Variants in DGKB observed in about 807,000 individuals in gnomAD.
DGKB encodes the protein 90 kDa diacylglycerol kinase.
A neutral mutation model predicts 114.3 loss-of-function variants in DGKB; 67 were observed. The observed-to-expected ratio is 0.59, with a 90% CI of 0.48 to 0.72. The LOEUF is 0.72. DGKB is among the 30% of genes least tolerant of loss of function. DGKB has a pLI of 0.00. For synonymous variants in DGKB, 398 were observed against 323.1 expected, an observed-to-expected ratio of 1.23 and a Z score of -2.49; for missense variants, 907 against 975.2, an observed-to-expected ratio of 0.93 and a Z score of 0.93.
rs151012160 is a variant in DGKB at position 14,338,978 on chromosome 7, G to A, written c.1927-268C>T. Among the ~76,000 whole-genome samples, 459 of 152,070 alleles carry A rather than the reference G, an allele frequency of 3.0e-3. 3 individuals carry two copies. Among genetic ancestry groups the A allele is most frequent in the African/African-American group, 0.01 (424 of 41,518 alleles). ...ATCTTTGTTTGTAGAAAACCTTTGGGAGAGACTCGTTAGCATCTGCATATA... is the reference window on the plus strand; with the variant it reads ...ATCTTTGTTTGTAGAAAACCTTTGGAAGAGACTCGTTAGCATCTGCATATA... On this transcript the variant is annotated intron_variant, in intron 22 of 25. Coordinates refer to ENST00000402815, the MANE Select transcript of DGKB (RefSeq NM_001350709.2).
intron 23 of DGKB, among the ~76,000 whole-genome samples, chr7:14,289,878 TATC>T (rs1366767326): frequency 6.7e-6 from 1 of 149,862 alleles, no homozygotes; most frequent in African/African-American, 2.5e-5. Flanking sequence ...GCAAATCAAA[TATC>T]ATCATTAGTA....
intron 1 of DGKB, among the ~76,000 whole-genome samples, chr7:14,845,637 T>C (rs183616840): frequency 5.4e-5 from 3 of 55,988 alleles, no homozygotes; most frequent in African/African-American, 2.2e-4. Flanking sequence ...CTCAGGTCAA[T>C]GAATATTTCT....
intron 25 of DGKB, among the ~76,000 whole-genome samples, chr7:14,160,580 A>C (rs367655305): frequency 2.0e-5 from 3 of 152,324 alleles, no homozygotes; most frequent in African/African-American, 4.8e-5. Flanking sequence ...GGGCCTCTTC[A>C]AGGAGAACTA....
chr7:14,411,549 G>T (rs1824883590), intron 21 of DGKB, among the ~76,000 whole-genome samples: 1 of 152,046 alleles, frequency 6.6e-6, no homozygotes, highest in Admixed American at 6.6e-5. Flanking sequence ...CAAATTGTTG[G>T]TCTACCACTT....
intron 23 of DGKB, among the ~76,000 whole-genome samples, chr7:14,198,154 A>G (rs1376614970): frequency 6.6e-6 from 1 of 152,132 alleles, no homozygotes; most frequent in East Asian, 1.9e-4. Context: ...TGTAAGTAAA[A>G]AGGATCTGCT....
chr7:14,472,573 A>C (rs1040267836), intron 21 of DGKB, among the ~76,000 whole-genome samples: 1 of 152,194 alleles, frequency 6.6e-6, no homozygotes, highest in Non-Finnish European at 1.5e-5. Context: ...AAAGATACCC[A>C]AAAATGTGAG....
chr7:14,883,971 A>T (rs2128217530), intron 1 of DGKB, among the ~76,000 whole-genome samples: 1 of 152,150 alleles, frequency 6.6e-6, no homozygotes, highest in East Asian at 1.9e-4. Flanking sequence ...CCAACTTTGT[A>T]TTAATGTCAT....
chr7:14,390,884 GAA>G (rs1027154940), intron 21 of DGKB, among the ~76,000 whole-genome samples: 2 of 152,180 alleles, frequency 1.3e-5, no homozygotes, highest in African/African-American at 4.8e-5. Flanking sequence ...ATTTAGGAAT[GAA>G]AGTTATTATA....
At chr7:14,304,292 T>G (rs531603218) in intron 23 of DGKB, among the ~76,000 whole-genome samples, 15 of 152,144 alleles carry the variant, frequency 9.9e-5, no homozygotes, top group East Asian at 1.9e-4. Context: ...AGTTCCACAT[T>G]TGGCATCATT....
At chr7:14,531,306 CAATT>C (rs1791547742) in intron 20 of DGKB, among the ~76,000 whole-genome samples, 1 of 151,230 alleles carries the variant, frequency 6.6e-6, no homozygotes, top group African/African-American at 2.4e-5. Context: ...TAGAATATTC[CAATT>C]TTAGAGCCCA....
intron 13 of DGKB, among the ~76,000 whole-genome samples, chr7:14,660,634 G>T (rs151046438): frequency 6.6e-6 from 1 of 151,360 alleles, no homozygotes; most frequent in Non-Finnish European, 1.5e-5. Context: ...TCTTGCTAGC[G>T]GTTTATCAAT....
intron 2 of DGKB, among the ~76,000 whole-genome samples, chr7:14,838,997 T>C (rs917330261): frequency 2.0e-5 from 3 of 152,128 alleles, no homozygotes; most frequent in African/African-American, 7.2e-5. Flanking sequence ...TTTCAAATCC[T>C]CCCTCTTGTA....
chr7:14,830,719 A>T (rs1586785461), intron 2 of DGKB, among the ~76,000 whole-genome samples: 1 of 152,258 alleles, frequency 6.6e-6, no homozygotes, highest in Non-Finnish European at 1.5e-5. Context: ...CATGTGGGAT[A>T]TCAATGGCAT....
chr7:14,389,923 C>A (rs767253477), intron 21 of DGKB, among the ~76,000 whole-genome samples: 33 of 152,172 alleles, frequency 2.2e-4, no homozygotes, highest in Non-Finnish European at 3.4e-4. Context: ...CATCCATCAG[C>A]AGCCCTTGTT....
rs191254877 is a variant in DGKB, at chr7:14,956,778, G to A, written c.-188+17918C>T. 2.3e-3 allele frequency among the ~76,000 whole-genome samples: 349 copies of A among 152,072 alleles called. 1 individual carries two copies. Among genetic ancestry groups the A allele is most frequent in the Middle Eastern group, 6.8e-3 (2 of 294 alleles). On this transcript the variant is annotated intron_variant, in intron 1 of 4. Coordinates refer to the DGKB transcript ENST00000437998. Reference sequence around the variant, plus strand: ...TGCAATGGAGCAGATGTAAAGATCCGTAGGTGTCAGCATTAAGGTGAATTT... The same window carrying A: ...TGCAATGGAGCAGATGTAAAGATCCATAGGTGTCAGCATTAAGGTGAATTT...
intron 1 of DGKB, among the ~76,000 whole-genome samples, chr7:14,939,111 CAT>C (rs1001639152): frequency 1.3e-5 from 2 of 151,996 alleles, no homozygotes; most frequent in African/African-American, 2.4e-5. Context: ...TCTTTAATAT[CAT>C]GTTACCTGTG....
At chr7:14,790,196 C>T (rs1339875318) in intron 2 of DGKB, among the ~76,000 whole-genome samples, 1 of 152,074 alleles carries the variant, frequency 6.6e-6, no homozygotes, top group Non-Finnish European at 1.5e-5. Context: ...CATGCTAGTC[C>T]TGTGATTTAT....
At chr7:14,704,895 T>C in intron 6 of DGKB, among the ~76,000 whole-genome samples, 1 of 151,862 alleles carries the variant, frequency 6.6e-6, no homozygotes, top group Non-Finnish European at 1.5e-5. Context: ...AACTGGAAGC[T>C]CTAAAAATCA....
intron 2 of DGKB, among the ~76,000 whole-genome samples, chr7:14,832,524 A>T (rs142816965): frequency 8.5e-5 from 13 of 152,110 alleles, no homozygotes; most frequent in African/African-American, 2.2e-4. Context: ...ATTGTTTTTT[A>T]AAAAAATCCA....
Sources: gnomAD v4.1 joint callset for allele counts (sites outside exome capture counted in the v4.1 genomes callset) on GRCh38, gnomAD v4.1.1 for gene constraint, MANE v1.5 for transcripts, NCBI Gene and HGNC (gene_info 2026-07-23, HGNC 2026-07-21) for gene names.